SNTG1: variants seen among roughly 807,000 people sequenced by gnomAD.
The protein encoded by SNTG1 is gamma-1-syntrophin.
Under a neutral mutation model 74.7 loss-of-function variants are expected in SNTG1, and 39 were observed. That is an observed-to-expected ratio of 0.52 (90% CI 0.40 to 0.68). The LOEUF is 0.68. Among genes scored for constraint, SNTG1 ranks in the 30% least tolerant of loss-of-function variants. The pLI is 0.00. For synonymous variants in SNTG1, 254 were observed against 217.1 expected (o/e 1.17, Z -1.49); for missense variants, 685 against 609.5 (o/e 1.12, Z -1.30).
At chr8:50,792,561 T>C in intron 18 of SNTG1, 110 bp from the exon 19 acceptor site, 1 of 1,112,784 alleles carries the variant, frequency 9.0e-7, no homozygotes, top group Non-Finnish European at 1.3e-6. Context: ...ACATGTTACA[T>C]ATCATAGATT....
chr8:50,779,286 T>C (rs1171817821), intron 18 of SNTG1, among the ~76,000 whole-genome samples: 2 of 152,056 alleles, frequency 1.3e-5, no homozygotes, highest in Non-Finnish European at 2.9e-5. Flanking sequence ...CTATAAATTA[T>C]TTTGGGCAGT....
intron 4 of SNTG1, among the ~76,000 whole-genome samples, chr8:50,428,052 T>C (rs1290264009): frequency 6.6e-6 from 1 of 152,168 alleles, no homozygotes; most frequent in Non-Finnish European, 1.5e-5. Flanking sequence ...TGCAGTGGCT[T>C]GCACCTGTAA....
At chr8:50,266,684 G>GTGTATATATA (rs371676511) in intron 2 of SNTG1, among the ~76,000 whole-genome samples, 6 of 136,812 alleles carry the variant, frequency 4.4e-5, no homozygotes, top group Admixed American at 1.5e-4. Context: ...GTGTGTGTGT[G>GTGTATATATA]TATATATATA....
At chr8:49,941,841 C>T (rs1417704777) in intron 1 of SNTG1, among the ~76,000 whole-genome samples, 2 of 152,188 alleles carry the variant, frequency 1.3e-5, no homozygotes, top group South Asian at 2.1e-4. Context: ...TTTTCTCTCT[C>T]GCTTTTACCA....
intron 1 of SNTG1, among the ~76,000 whole-genome samples, chr8:49,933,671 T>C (rs1807793877): frequency 6.6e-6 from 1 of 152,254 alleles, no homozygotes; most frequent in Non-Finnish European, 1.5e-5. Flanking sequence ...TGTAAGTTTT[T>C]GTTTTTTGAA....
chr8:50,438,467 C>CA lies in SNTG1; in HGVS notation c.163-69dup, dbSNP rs1171376056. ...GCAAAAGCAAAACCCAGAAGAAAAC[C>CA]AAAAAAACAACAAAAAATGGTGTGT... is the stretch of plus-strand genomic sequence containing the variant. On this transcript the variant is annotated intron_variant, in intron 4 of 18. Coordinates refer to ENST00000642720, the MANE Select transcript of SNTG1 (RefSeq NM_018967.5). 6.3e-5 allele frequency: 86 copies of CA among 1,373,004 alleles called. No individual in the cohort carries two copies. The Admixed American group carries it at 7.1e-4, about 11-fold the overall frequency. The allele number at this position is 1,373,004 out of a possible 1,614,324, so 85.1% of individuals were successfully genotyped here. A position where few individuals can be genotyped will look rare whatever the true frequency, so the allele number is the denominator to read the frequency against.
intron 1 of SNTG1, among the ~76,000 whole-genome samples, chr8:49,974,193 A>T (rs1811974810): frequency 6.6e-6 from 1 of 152,242 alleles, no homozygotes; most frequent in Admixed American, 6.5e-5. Context: ...TAGTAACGAT[A>T]GCCCGATAAA....
At chr8:50,673,896 A>G (rs183604345) in intron 15 of SNTG1, among the ~76,000 whole-genome samples, 1 of 152,266 alleles carries the variant, frequency 6.6e-6, no homozygotes, top group East Asian at 1.9e-4. Flanking sequence ...AGTGATGTTG[A>G]ATTTTATCAA....
chr8:50,086,155 A>G (rs1166215073), intron 1 of SNTG1, among the ~76,000 whole-genome samples: 2 of 152,194 alleles, frequency 1.3e-5, no homozygotes, highest in African/African-American at 4.8e-5. Flanking sequence ...ATTCAGAGAG[A>G]CAATTGGGCC....
chr8:50,092,286 T>C (rs2079769130), intron 1 of SNTG1, among the ~76,000 whole-genome samples: 1 of 152,132 alleles, frequency 6.6e-6, no homozygotes, highest in Non-Finnish European at 1.5e-5. Flanking sequence ...TCAGTGGACA[T>C]GTTGTGAAAA....
rs2095601972 is a variant in SNTG1 at position 50,762,551 on chromosome 8, A to G, written c.1395+10440A>G. ...CCTTTCTACCTTCTTAATGCAGGCA[A>G]AGATCATTTTTGTTCCAAGGATGTG... On this transcript the variant is annotated intron_variant, in intron 18 of 18. Coordinates refer to ENST00000642720, the MANE Select transcript of SNTG1 (RefSeq NM_018967.5). 1.1e-5 allele frequency: 4 copies of G among 374,184 alleles called. No homozygotes were observed. In the East Asian group the frequency reaches 2.0e-4, roughly 19 times the overall value. 23.2% of individuals were successfully genotyped at this position (374,184 alleles called of 1,614,324 possible).
chr8:50,104,290 G>T (rs1479789784), intron 1 of SNTG1, among the ~76,000 whole-genome samples: 2 of 152,142 alleles, frequency 1.3e-5, no homozygotes, highest in Non-Finnish European at 2.9e-5. Context: ...TTAGTCTTGG[G>T]AGGGTGTATG....
chr8:50,058,203 G>T (rs1037675210), intron 1 of SNTG1, among the ~76,000 whole-genome samples: 1 of 152,082 alleles, frequency 6.6e-6, no homozygotes. Context: ...TACCACACAG[G>T]CTGCAAGCAT....
intron 1 of SNTG1, among the ~76,000 whole-genome samples, chr8:49,974,198 G>A (rs1216076901): frequency 2.0e-5 from 3 of 152,098 alleles, no homozygotes; most frequent in Admixed American, 6.6e-5. Flanking sequence ...ACGATAGCCC[G>A]ATAAAATTAA....
At chr8:50,148,531 A>G (rs1205609473) in intron 1 of SNTG1, among the ~76,000 whole-genome samples, 1 of 152,076 alleles carries the variant, frequency 6.6e-6, no homozygotes, top group Non-Finnish European at 1.5e-5. Flanking sequence ...TACATTACAT[A>G]TATCTCCTAA....
At chr8:50,129,694 A>C (rs943233925) in intron 1 of SNTG1, among the ~76,000 whole-genome samples, 1 of 152,172 alleles carries the variant, frequency 6.6e-6, no homozygotes, top group Admixed American at 6.6e-5. Context: ...AAGATTAAGA[A>C]CAACCAAACA....
chr8:50,120,190 A>G lies in SNTG1; in HGVS notation c.-102-52371A>G, dbSNP rs918413521. Among the ~76,000 whole-genome samples the G allele has an allele frequency of 2.8e-5, 4 of 141,512 alleles. 1 individual carries two copies. Among genetic ancestry groups the G allele is most frequent in the Non-Finnish European group, 6.3e-5 (4 of 63,612 alleles). 92.8% of individuals were successfully genotyped at this position (141,512 alleles called of 152,430 possible). On this transcript the variant is annotated intron_variant, in intron 1 of 18. Transcript: ENST00000642720. ...GTTATTGTAAGGAAACAATTAATGA[A>G]TTAATACTTGTAAGCACTCTGAATA... is the stretch of plus-strand genomic sequence containing the variant.
intron 9 of SNTG1, among the ~76,000 whole-genome samples, chr8:50,510,816 A>C (rs545784695): frequency 6.6e-5 from 10 of 151,214 alleles, no homozygotes; most frequent in African/African-American, 2.2e-4. Flanking sequence ...TTTCTTCTTT[A>C]TTAGTCTTGC....
At chr8:50,723,111 G>A (rs957377825) in intron 17 of SNTG1, among the ~76,000 whole-genome samples, 1 of 152,032 alleles carries the variant, frequency 6.6e-6, no homozygotes. Context: ...CCAAACGTAC[G>A]TGACCACATT....
Sources: gnomAD v4.1 joint callset for allele counts (sites outside exome capture counted in the v4.1 genomes callset) on GRCh38, gnomAD v4.1.1 for gene constraint, MANE v1.5 for transcripts, NCBI Gene and HGNC (gene_info 2026-07-23, HGNC 2026-07-21) for gene names.